BNC2: variants seen among roughly 807,000 people sequenced by gnomAD.
BNC2 encodes the protein basonuclin zinc finger protein 2, also known as zinc finger protein basonuclin-2.
BNC2 carries 20 observed loss-of-function variants against 76.3 expected under a neutral mutation model. That is an observed-to-expected ratio of 0.26 (90% CI 0.18 to 0.38). The LOEUF is 0.38. Ranked by LOEUF, BNC2 falls within the 10% of genes least tolerant of loss-of-function variation. The pLI is 1.00. For missense variants in BNC2, 1,382 were observed against 1,399.8 expected, an observed-to-expected ratio of 0.99 and a Z score of 0.20; for synonymous variants, 582 against 514.8, an observed-to-expected ratio of 1.13 and a Z score of -1.77.
chr9:16,654,925 A>G (rs1243154613), intron 3 of BNC2, among the ~76,000 whole-genome samples: 1 of 152,132 alleles, frequency 6.6e-6, no homozygotes, highest in African/African-American at 2.4e-5. Context: ...TGAAAATAAA[A>G]GTGAGTTAGA....
intron 1 of BNC2, among the ~76,000 whole-genome samples, chr9:16,788,167 ACCATAGCTATCT>A (rs929961628): frequency 9.9e-5 from 15 of 152,284 alleles, no homozygotes; most frequent in African/African-American, 3.6e-4. Flanking sequence ...GACCAAGCAA[ACCATAGCTATCT>A]CCGCAGATAT....
chr9:16,458,414 T>G (rs1306001125), intron 5 of BNC2, among the ~76,000 whole-genome samples: 1 of 152,228 alleles, frequency 6.6e-6, no homozygotes, highest in African/African-American at 2.4e-5. Context: ...AATATTGGGA[T>G]ATTAACAAAT....
chr9:16,711,738 T>C (rs1192348978), intron 3 of BNC2, among the ~76,000 whole-genome samples: 1 of 152,226 alleles, frequency 6.6e-6, no homozygotes, highest in Non-Finnish European at 1.5e-5. Context: ...TATATTCTAC[T>C]TTAAATGTGC....
chr9:16,410,570 T>C lies in BNC2; in HGVS notation c.*8419A>G, dbSNP rs1586997464. 2 of 152,750 alleles carry C rather than the reference T, an allele frequency of 1.3e-5. No homozygotes were observed. The highest frequency in any genetic ancestry group is 3.4e-3 in the Middle Eastern group (1 of 294). 9.5% of individuals were successfully genotyped at this position (152,750 alleles called of 1,614,324 possible). ...ATACTAGAAATCTTAGATAGTCTTA[T>C]CAGGTTAAGATATAATACTAGAACA... On this transcript the variant is annotated 3_prime_UTR_variant, in exon 7 of 7. Coordinates refer to ENST00000380672, the MANE Select transcript of BNC2 (RefSeq NM_017637.6).
chr9:16,803,983 C>T (rs1168845891), intron 1 of BNC2, among the ~76,000 whole-genome samples: 1 of 152,186 alleles, frequency 6.6e-6, no homozygotes, highest in African/African-American at 2.4e-5. Flanking sequence ...CAGCTTTACC[C>T]AGGCTAACAG....
At chr9:16,704,680 G>T (rs867794757) in intron 3 of BNC2, 12 of 132,038 alleles carry the variant, frequency 9.1e-5, no homozygotes, top group South Asian at 7.4e-4. Flanking sequence ...CAGAGAAATG[G>T]TTTTTTTTTT....
chr9:16,512,098 C>T (rs1822770842), intron 5 of BNC2, among the ~76,000 whole-genome samples: 2 of 152,276 alleles, frequency 1.3e-5, no homozygotes, highest in Admixed American at 6.5e-5. Context: ...CATGTGAATA[C>T]ACACAAACAT....
chr9:16,741,478 T>G (rs1489090871), intron 1 of BNC2, among the ~76,000 whole-genome samples: 1 of 150,740 alleles, frequency 6.6e-6, no homozygotes, highest in Non-Finnish European at 1.5e-5. Context: ...AAACTCTGAA[T>G]CAGTAAGAAA....
rs12346569 is a variant in BNC2 at position 16,612,492 on chromosome 9, T to C, written c.331-29407A>G. 8.0e-3 allele frequency among the ~76,000 whole-genome samples: 1,216 copies of C among 152,232 alleles called. 13 individuals are homozygous for C. The highest frequency in any genetic ancestry group is 0.027 in the African/African-American group (1,113 of 41,550). On this transcript the variant is annotated intron_variant, in intron 3 of 6. Transcript: ENST00000380672. Reference sequence around the variant, plus strand: ...TCCCTTAACTGTACTGAATAAGAAATACAAAATATTATATGACAAGATCCC... The same window carrying C: ...TCCCTTAACTGTACTGAATAAGAAACACAAAATATTATATGACAAGATCCC...
intron 1 of BNC2, among the ~76,000 whole-genome samples, chr9:16,865,035 GAAA>G (rs5896712): frequency 2.4e-4 from 32 of 131,034 alleles, no homozygotes; most frequent in East Asian, 2.2e-4. Flanking sequence ...GCTTTGGACT[GAAA>G]AAAAAAAAAA....
intron 1 of BNC2, among the ~76,000 whole-genome samples, chr9:16,742,787 G>A (rs986166176): frequency 1.3e-5 from 2 of 152,166 alleles, no homozygotes; most frequent in Non-Finnish European, 2.9e-5. Flanking sequence ...CCCATAGTTA[G>A]GTAGCCACAT....
intron 3 of BNC2, among the ~76,000 whole-genome samples, chr9:16,717,783 G>A (rs1419397259): frequency 6.6e-5 from 10 of 152,082 alleles, no homozygotes; most frequent in Admixed American, 6.6e-4. Context: ...GGCTTATATT[G>A]AAGCTCATTT....
chr9:16,515,944 G>GGA (rs553904806), intron 5 of BNC2, among the ~76,000 whole-genome samples: 20 of 145,432 alleles, frequency 1.4e-4, no homozygotes, highest in Admixed American at 2.1e-4. Context: ...TTCCAAAAGG[G>GGA]AAAAAAAAAA....
intron 3 of BNC2, among the ~76,000 whole-genome samples, chr9:16,614,155 T>C (rs1820629882): frequency 6.6e-6 from 1 of 152,184 alleles, no homozygotes; most frequent in Non-Finnish European, 1.5e-5. Context: ...AATTTCACTG[T>C]CACAAGCCTG....
chr9:16,512,845 A>G (rs958547081), intron 5 of BNC2, among the ~76,000 whole-genome samples: 83 of 147,034 alleles, frequency 5.6e-4, no homozygotes, highest in African/African-American at 2.3e-3. Flanking sequence ...TTAAAAAATA[A>G]TGAGATATGG....
intron 3 of BNC2, among the ~76,000 whole-genome samples, chr9:16,695,530 T>C (rs1455196345): frequency 1.8e-5 from 2 of 113,582 alleles, no homozygotes; most frequent in East Asian, 2.4e-4. Flanking sequence ...TTTTTCTTTT[T>C]CTTTCTTTTT....
In BNC2 at chr9:16,591,191, G is replaced by GA. The variant is rs554453375; in HGVS notation, c.331-8107dup. On this transcript the variant is annotated intron_variant, in intron 3 of 6. Transcript: ENST00000380672. ...GGCCACATCACAATACAGCTTGAGCGAAAAAATTCTGCATTTTTTCTTGCA... is the reference window on the plus strand; with the variant it reads ...GGCCACATCACAATACAGCTTGAGCGAAAAAAATTCTGCATTTTTTCTTGCA... 2.1e-3 allele frequency among the ~76,000 whole-genome samples: 323 copies of GA among 152,216 alleles called. 2 individuals are homozygous for GA. The highest frequency in any genetic ancestry group is 7.3e-3 in the African/African-American group (305 of 41,542).
chr9:16,692,106 C>T (rs12335424), intron 3 of BNC2, among the ~76,000 whole-genome samples: 29,205 of 151,994 alleles, frequency 0.19, 3,754 homozygotes, highest in East Asian at 0.48. Flanking sequence ...CCACTGCACC[C>T]GGCGGGTTCT....
At chr9:16,661,049 C>T (rs1288255337) in intron 3 of BNC2, among the ~76,000 whole-genome samples, 1 of 151,992 alleles carries the variant, frequency 6.6e-6, no homozygotes, top group Admixed American at 6.6e-5. Flanking sequence ...GTGTATATAC[C>T]ATTATTCCCA....
Sources: allele counts gnomAD v4.1 joint callset (sites outside exome capture counted in the v4.1 genomes callset), GRCh38; gene constraint gnomAD v4.1.1; transcripts MANE v1.5; gene names NCBI Gene and HGNC (gene_info 2026-07-23, HGNC 2026-07-21).